LRP1B: variants seen among roughly 807,000 people sequenced by gnomAD.
LRP1B encodes low-density lipoprotein receptor-related protein 1B.
A neutral mutation model predicts 556.6 loss-of-function variants in LRP1B; 217 were observed. That is an observed-to-expected ratio of 0.39 (90% confidence interval 0.35 to 0.44). The LOEUF is 0.44. LRP1B is among the 20% of genes least tolerant of loss of function. The pLI, the probability that LRP1B is intolerant of heterozygous loss-of-function variation, is 1.00. For missense variants in LRP1B, 5,053 were observed against 5,620.8 expected (o/e 0.90, Z 3.23); for synonymous variants, 2,047 against 1,865.8 (o/e 1.10, Z -2.50).
chr2:141,113,041 A>G (rs1700794396), intron 7 of LRP1B, among the ~76,000 whole-genome samples: 1 of 152,208 alleles, frequency 6.6e-6, no homozygotes, highest in Admixed American at 6.5e-5. Context: ...TACTAATACT[A>G]TGGAAATCAC....
chr2:140,716,683 A>G lies in LRP1B; in HGVS notation c.5892T>C (p.Ala1964=), dbSNP rs1283292335. Residue 1964 remains alanine (A), a splice_region_variant and synonymous_variant, in exon 36 of 91, where the codon GCT becomes GCC. Transcript: ENST00000389484. ...AAGATAAAAAGCCATGGATTATACC[A>G]GCAATCCAGTCAACAGCTATCCCTT... ...RVEGIAVDWI[A]GNIYWTDHGF... is the part of the protein sequence containing the mutation. The G allele has an allele frequency of 6.2e-7, 1 of 1,607,314 alleles. No homozygotes were observed. The highest frequency in any genetic ancestry group is 1.3e-5 in the African/African-American group (1 of 74,478).
At chr2:141,284,030 A>C (rs900294684) in intron 3 of LRP1B, among the ~76,000 whole-genome samples, 13 of 152,198 alleles carry the variant, frequency 8.5e-5, no homozygotes, top group African/African-American at 3.1e-4. Context: ...TACAGAGTGC[A>C]ATGTTAGAAA....
At chr2:140,737,466 T>C (rs1233674001) in intron 35 of LRP1B, among the ~76,000 whole-genome samples, 1 of 152,180 alleles carries the variant, frequency 6.6e-6, no homozygotes, top group Non-Finnish European at 1.5e-5. Flanking sequence ...TCTGGCTCTT[T>C]GTGGGCTCAC....
chr2:141,022,153 GATT>G (rs924906037), intron 11 of LRP1B, among the ~76,000 whole-genome samples: 10 of 151,304 alleles, frequency 6.6e-5, no homozygotes, highest in African/African-American at 2.2e-4. Flanking sequence ...AATATATAAT[GATT>G]ATTATTATTC....
At chr2:140,877,683 T>C (rs1349640420) in intron 25 of LRP1B, among the ~76,000 whole-genome samples, 1 of 152,148 alleles carries the variant, frequency 6.6e-6, no homozygotes, top group African/African-American at 2.4e-5. Flanking sequence ...ACCATTTGTG[T>C]CTTATCTACC....
intron 1 of LRP1B, among the ~76,000 whole-genome samples, chr2:141,860,081 G>A (rs1380770079): frequency 6.6e-6 from 1 of 152,112 alleles, no homozygotes; most frequent in Non-Finnish European, 1.5e-5. Context: ...CCATAATGCT[G>A]TATTCCCATC....
chr2:141,295,087 T>C lies in LRP1B; in HGVS notation c.344-40446A>G, dbSNP rs545500438. Among the ~76,000 whole-genome samples, 318 of 152,256 alleles carry C rather than the reference T, an allele frequency of 2.1e-3. 1 individual carries two copies. Among genetic ancestry groups the C allele is most frequent in the Non-Finnish European group, 3.9e-3 (264 of 67,990 alleles). ...ATCTTTGTATGATATTTCTAGATTA[T>C]GAAACTTCACTGAAATATAATGTTA... is the stretch of plus-strand genomic sequence containing the variant. On this transcript the variant is annotated intron_variant, in intron 3 of 90. Transcript: ENST00000389484.
intron 2 of LRP1B, among the ~76,000 whole-genome samples, chr2:141,625,140 G>A (rs1452603666): frequency 1.3e-5 from 2 of 152,160 alleles, no homozygotes; most frequent in Non-Finnish European, 2.9e-5. Context: ...ATTAAAGGTA[G>A]AGTAATTGGA....
intron 83 of LRP1B, among the ~76,000 whole-genome samples, chr2:140,309,718 T>C (rs554706087): frequency 1.3e-4 from 19 of 151,940 alleles, no homozygotes; most frequent in African/African-American, 4.3e-4. Flanking sequence ...ATGAAAACAA[T>C]AATACATGTT....
chr2:140,419,062 G>T (rs1239882120), intron 66 of LRP1B, among the ~76,000 whole-genome samples: 3 of 152,128 alleles, frequency 2.0e-5, no homozygotes, highest in African/African-American at 7.2e-5. Context: ...TCACATCACT[G>T]CTATTTAGGG....
rs1685616760 is a variant in LRP1B at position 140,425,531 on chromosome 2, C to T, written c.10414+16973G>A. 2.0e-5 allele frequency among the ~76,000 whole-genome samples: 3 copies of T among 152,146 alleles called. No individual in the cohort carries two copies. In the South Asian group the frequency reaches 6.2e-4, roughly 32 times the overall value. On this transcript the variant is annotated intron_variant, in intron 66 of 90. Transcript: ENST00000389484. ...GTTCAAGCGATTCTCCTGCCTCAGC[C>T]TCCTGAGTAGCTGGGAATAAAGGTA...
chr2:140,895,797 C>T (rs1272037483), intron 23 of LRP1B, among the ~76,000 whole-genome samples: 1 of 152,100 alleles, frequency 6.6e-6, no homozygotes, highest in Non-Finnish European at 1.5e-5. Flanking sequence ...CTGTCCCAGG[C>T]CAAACTCTTC....
At chr2:141,488,972 T>TTTTTG (rs1553520676) in intron 2 of LRP1B, among the ~76,000 whole-genome samples, 2 of 26,858 alleles carry the variant, frequency 7.4e-5, no homozygotes, top group Non-Finnish European at 2.9e-4. Context: ...TTTGTTTTTT[T>TTTTTG]TTGTTTGTTT....
At chr2:141,949,719 A>G (rs1235448018) in intron 1 of LRP1B, among the ~76,000 whole-genome samples, 3 of 152,132 alleles carry the variant, frequency 2.0e-5, no homozygotes, top group South Asian at 2.1e-4. Flanking sequence ...CATCTCTTAC[A>G]TACTATACCT....
At chr2:140,866,692 CAAGGGAGAATGAACG>C (rs1157857629) in intron 27 of LRP1B, among the ~76,000 whole-genome samples, 6 of 152,104 alleles carry the variant, frequency 3.9e-5, no homozygotes, top group East Asian at 3.9e-4. Flanking sequence ...TAAATAGTAT[CAAGGGAGAATGAACG>C]CAACACACTG....
rs901161062 is a variant in LRP1B, at chr2:141,228,483, TGTGTGTGTGTATGA to T, written c.850+686_850+699del. 2.4e-4 allele frequency among the ~76,000 whole-genome samples: 36 copies of T among 149,706 alleles called. No individual in the cohort carries two copies. In the East Asian group the frequency reaches 5.8e-3, roughly 24 times the overall value. On this transcript the variant is annotated intron_variant, in intron 6 of 90. Coordinates refer to ENST00000389484, the MANE Select transcript of LRP1B (RefSeq NM_018557.3). ...GAGAGAATATGTGTGCATCTCTGGGTGTGTGTGTGTATGAGTGTGTGTGTGTACTCCCATGTGGA... is the reference window on the plus strand; with the variant it reads ...GAGAGAATATGTGTGCATCTCTGGGTGTGTGTGTGTGTACTCCCATGTGGA...
chr2:141,989,806 G>A (rs532632111), intron 1 of LRP1B, among the ~76,000 whole-genome samples: 1 of 152,194 alleles, frequency 6.6e-6, no homozygotes, highest in East Asian at 1.9e-4. Context: ...CAGCCATGGG[G>A]AAGTGTAAGT....
At chr2:142,075,699 ATCTC>A (rs915640473) in intron 1 of LRP1B, among the ~76,000 whole-genome samples, 2 of 151,910 alleles carry the variant, frequency 1.3e-5, no homozygotes, top group East Asian at 1.9e-4. Flanking sequence ...TGTGCTCTCA[ATCTC>A]TCTCTCTTTC....
intron 77 of LRP1B, among the ~76,000 whole-genome samples, chr2:140,337,284 C>T (rs1328110077): frequency 1.3e-5 from 2 of 151,754 alleles, no homozygotes; most frequent in African/African-American, 4.8e-5. Context: ...AATTTTATTA[C>T]CCTATTTCTC....
Sources: allele counts gnomAD v4.1 joint callset (sites outside exome capture counted in the v4.1 genomes callset), GRCh38; gene constraint gnomAD v4.1.1; transcripts MANE v1.5; gene names NCBI Gene and HGNC (gene_info 2026-07-23, HGNC 2026-07-21).